The following CEP350 variants were observed in gnomAD, a reference collection of about 807,000 sequenced individuals.
CEP350 encodes the protein centrosome-associated protein 350.
CEP350 carries 126 observed loss-of-function variants against 331.8 expected under a neutral mutation model. The ratio of observed to expected loss-of-function variants is 0.38; its 90% confidence interval spans 0.33 to 0.44. CEP350 has a LOEUF of 0.44. CEP350 is among the 20% of genes least tolerant of loss of function. The pLI is 1.00. For synonymous variants in CEP350, 1,200 were observed against 1,259.5 expected (o/e 0.95, Z 1.00); for missense variants, 3,406 against 3,634.6 (o/e 0.94, Z 1.62).
At chr1:179,977,247 T>A (rs1651941623) in intron 1 of CEP350, among the ~76,000 whole-genome samples, 1 of 152,214 alleles carries the variant, frequency 6.6e-6, no homozygotes, top group African/African-American at 2.4e-5. Flanking sequence ...TATGGGTGAT[T>A]GATATCTCTA....
rs1347954915 is a variant in CEP350, at chr1:180,092,850, G to T, written c.6745G>T (p.Val2249Phe). ...AATTCTTGATATGTCAGATGGCAAG[G>T]TTGGAGAATCTAGTAAAAAATCAGA... ...SRILDMSDGK[V>F]GESSKKSEIK... The change falls in exon 34 of 38, where the codon GTT becomes TTT. Residue 2249 changes from valine to phenylalanine, a missense_variant. Physicochemically the swap from Val to Phe is conservative, Grantham distance 50 (BLOSUM62 -1). Around this residue, in one of 5 missense-constraint regions of CEP350, gnomAD observed 1,415 missense variants for 1,512.3 expected, o/e 0.94. Coordinates refer to ENST00000367607, the MANE Select transcript of CEP350 (RefSeq NM_014810.5). 14 of 1,568,468 alleles carry T rather than the reference G, an allele frequency of 8.9e-6. No homozygotes were observed. Among genetic ancestry groups the T allele is most frequent in the South Asian group, 4.7e-5 (4 of 85,636 alleles).
chr1:180,061,131 A>G (rs1372733537), intron 25 of CEP350, among the ~76,000 whole-genome samples: 2 of 152,228 alleles, frequency 1.3e-5, no homozygotes, highest in Non-Finnish European at 2.9e-5. Context: ...CAATGATTAA[A>G]ATAATTATAA....
chr1:180,039,081 G>A lies in CEP350; in HGVS notation c.4110+1992G>A, dbSNP rs377632374. On this transcript the variant is annotated intron_variant, in intron 17 of 37. Coordinates refer to ENST00000367607, the MANE Select transcript of CEP350 (RefSeq NM_014810.5). ...TGAATACAAAAATTAGCCATCCACC[G>A]TGGCGTATGCCTGTAGTCCCAGCTA... is the stretch of plus-strand genomic sequence containing the variant. Among the ~76,000 whole-genome samples the A allele has an allele frequency of 2.7e-5, 4 of 149,874 alleles. No individual in the cohort carries two copies. The East Asian group carries it at 5.9e-4, about 22-fold the overall frequency.
At chr1:180,027,526 A>C (rs1655760772) in intron 14 of CEP350, among the ~76,000 whole-genome samples, 1 of 152,062 alleles carries the variant, frequency 6.6e-6, no homozygotes, top group Admixed American at 6.6e-5. Flanking sequence ...CTGGGACTAC[A>C]GGCACACAAC....
At position 180,111,420 on chromosome 1, in the gene CEP350, C is replaced by A; in HGVS notation, c.*259C>A. The stretch of plus-strand genomic sequence containing the variant: ...GTAATCCTACACCTTTTGCTAACAC[C>A]CCTACTAGGTCCCAGAGGGCCAGAA... On this transcript the variant is annotated 3_prime_UTR_variant, in exon 38 of 38. Coordinates refer to ENST00000367607, the MANE Select transcript of CEP350 (RefSeq NM_014810.5). 1 of 303,302 alleles carries A rather than the reference C, an allele frequency of 3.3e-6. No individual in the cohort carries two copies. The highest frequency in any genetic ancestry group is 6.1e-6 in the Non-Finnish European group (1 of 165,210). 18.8% of individuals were successfully genotyped at this position (303,302 alleles called of 1,614,324 possible).
In CEP350 at chr1:179,986,265, G is replaced by A. The variant is rs1558079516; in HGVS notation, c.73+11G>A. 1.3e-6 allele frequency: 2 copies of A among 1,546,334 alleles called. No homozygotes were observed. The highest frequency in any genetic ancestry group is 1.4e-5 in the African/African-American group (1 of 72,954). On this transcript the variant is annotated intron_variant, in intron 2 of 37. Transcript: ENST00000367607. ...AGGATACTGTTCAAGGTATGATTTT[G>A]TTTTTTTAAACAGAACTTAATACCT... is the stretch of plus-strand genomic sequence containing the variant.
chr1:180,069,753 G>T (rs1188588008), intron 27 of CEP350, among the ~76,000 whole-genome samples: 1 of 152,096 alleles, frequency 6.6e-6, no homozygotes, highest in African/African-American at 2.4e-5. Flanking sequence ...TATTAAAGAT[G>T]CTAAAGTACT....
chr1:180,062,449 T>C (rs568522280), intron 26 of CEP350, 83 bp downstream of exon 26: 3 of 1,420,604 alleles, frequency 2.1e-6, no homozygotes, highest in African/African-American at 2.9e-5. Context: ...TAAGATAATA[T>C]TCATTCAAGC....
chr1:180,003,506 G>T (rs533105220), intron 7 of CEP350, among the ~76,000 whole-genome samples: 25 of 152,192 alleles, frequency 1.6e-4, no homozygotes, highest in African/African-American at 6.0e-4. Context: ...CAGAAACTAG[G>T]CTATTTTTAA....
At chr1:180,105,336 T>G (rs1661087214) in intron 37 of CEP350, among the ~76,000 whole-genome samples, 1 of 152,066 alleles carries the variant, frequency 6.6e-6, no homozygotes, top group African/African-American at 2.4e-5. Flanking sequence ...TCTACACTCC[T>G]TCTCAGTCTC....
chr1:180,029,456 C>A (rs1002334715), intron 14 of CEP350, among the ~76,000 whole-genome samples: 2 of 152,272 alleles, frequency 1.3e-5, no homozygotes, highest in East Asian at 1.9e-4. Context: ...CCTAAATAGA[C>A]TTTATAGAGT....
At chr1:180,016,869 GCCAGGCAGGTC>G (rs1156862931) in intron 11 of CEP350, among the ~76,000 whole-genome samples, 48 of 151,788 alleles carry the variant, frequency 3.2e-4, no homozygotes, top group African/African-American at 1.0e-3. Context: ...CACCATCTTG[GCCAGGCAGGTC>G]TTAAACTCCT....
intron 16 of CEP350, 71 bp from the exon 17 acceptor site, chr1:180,036,855 A>G: frequency 2.1e-6 from 3 of 1,413,614 alleles, no homozygotes; most frequent in Non-Finnish European, 2.8e-6. Flanking sequence ...GGCTCTTAAA[A>G]TGACAGATTT....
At chr1:180,101,374 T>G (rs559486910) in intron 37 of CEP350, among the ~76,000 whole-genome samples, 1 of 152,340 alleles carries the variant, frequency 6.6e-6, no homozygotes, top group East Asian at 1.9e-4. Context: ...TCTCCCATAA[T>G]TAGATTTGGT....
At chr1:179,959,735 C>T (rs1357235526) in intron 1 of CEP350, among the ~76,000 whole-genome samples, 1 of 152,198 alleles carries the variant, frequency 6.6e-6, no homozygotes, top group Non-Finnish European at 1.5e-5. Flanking sequence ...GCCTAGGTGA[C>T]AGAGGAAGAC....
rs1414911599 is a variant in CEP350, at chr1:180,006,488, A to G, written c.1167A>G (p.Lys389=). ...CTATAAAGGAGAAACCTGCTGAAAA[A>G]AGTAAAGAGAAGAAAGTAGTCAAGC... ...DISIKEKPAE[K]SKEKKVVKPV... The change falls in exon 8 of 38, where the codon AAA becomes AAG. Residue 389 remains lysine (K), a synonymous_variant. Coordinates refer to ENST00000367607, the MANE Select transcript of CEP350 (RefSeq NM_014810.5). 1.3e-6 allele frequency: 2 copies of G among 1,547,194 alleles called. No individual in the cohort carries two copies. The highest frequency in any genetic ancestry group is 1.9e-5 in the Admixed American group (1 of 51,316).
chr1:179,996,916 A>G lies in CEP350; in HGVS notation c.759A>G (p.Arg253=). ...MAHDTDPKAL[R]LTDSSPSSTS... ...ATGATACTGATCCAAAAGCGTTACG[A>G]CTAACTGACTCTTCTCCATCCTCTA... The change falls in exon 6 of 38, where the codon CGA becomes CGG. Residue 253 remains arginine (R), a synonymous_variant. Transcript: ENST00000367607. 6.2e-7 allele frequency: 1 copy of G among 1,614,010 alleles called. No homozygotes were observed. Among genetic ancestry groups the G allele is most frequent in the Non-Finnish European group, 8.5e-7 (1 of 1,179,898 alleles).
At chr1:180,002,502 A>G (rs1006035339) in intron 6 of CEP350, among the ~76,000 whole-genome samples, 1 of 152,118 alleles carries the variant, frequency 6.6e-6, no homozygotes, top group Non-Finnish European at 1.5e-5. Flanking sequence ...AAATAAAATA[A>G]AATAGATAAG....
chr1:179,962,704 G>T (rs917488254), intron 1 of CEP350, among the ~76,000 whole-genome samples: 2 of 152,148 alleles, frequency 1.3e-5, no homozygotes, highest in Admixed American at 6.5e-5. Flanking sequence ...CACTGCTCCC[G>T]GCCTATCTGA....
Sources: allele counts gnomAD v4.1 joint callset (sites outside exome capture counted in the v4.1 genomes callset), GRCh38; gene constraint gnomAD v4.1.1; regional missense constraint gnomAD v4.1.1; transcripts MANE v1.5; gene names NCBI Gene and HGNC (gene_info 2026-07-23, HGNC 2026-07-21).